Variants in TMEM132D observed in about 807,000 individuals in gnomAD.
TMEM132D encodes the protein mature OL transmembrane protein.
A neutral mutation model predicts 62.3 loss-of-function variants in TMEM132D; 21 were observed. The observed-to-expected ratio is 0.34, with a 90% CI of 0.24 to 0.49. TMEM132D has a LOEUF of 0.49. Ranked by LOEUF, TMEM132D falls within the 20% of genes least tolerant of loss-of-function variation. The pLI, the probability that TMEM132D is intolerant of heterozygous loss-of-function variation, is 0.99. For missense variants in TMEM132D, 1,346 were observed against 1,402.8 expected (o/e 0.96, Z 0.65); for synonymous variants, 621 against 575.6 (o/e 1.08, Z -1.13).
intron 1 of TMEM132D, among the ~76,000 whole-genome samples, chr12:129,805,301 G>T (rs1421987566): frequency 6.6e-6 from 1 of 151,982 alleles, no homozygotes; most frequent in Non-Finnish European, 1.5e-5. Context: ...ATACTACAAG[G>T]CTACAGTAAC....
At chr12:129,892,873 CTGTT>C (rs760103290) in intron 1 of TMEM132D, among the ~76,000 whole-genome samples, 109 of 151,980 alleles carry the variant, frequency 7.2e-4, no homozygotes, top group East Asian at 7.0e-3. Flanking sequence ...TTTAAGGACT[CTGTT>C]TGTTTGTTTG....
intron 5 of TMEM132D, among the ~76,000 whole-genome samples, chr12:129,201,635 C>T (rs904166907): frequency 6.6e-6 from 1 of 152,168 alleles, no homozygotes; most frequent in Non-Finnish European, 1.5e-5. Flanking sequence ...TCCTAGAAGA[C>T]AAATACTCTT....
intron 4 of TMEM132D, among the ~76,000 whole-genome samples, chr12:129,230,274 A>G (rs1210267344): frequency 2.1e-5 from 3 of 144,992 alleles, no homozygotes; most frequent in African/African-American, 7.9e-5. Flanking sequence ...TCCCCAGCCT[A>G]GCCATCCCCT....
chr12:129,732,089 T>G (rs1869267527), intron 1 of TMEM132D, among the ~76,000 whole-genome samples: 1 of 152,152 alleles, frequency 6.6e-6, no homozygotes, highest in South Asian at 2.1e-4. Flanking sequence ...GTAGAAATGA[T>G]GCTGACCAAC....
chr12:129,860,752 C>G (rs963815348), intron 1 of TMEM132D, among the ~76,000 whole-genome samples: 1 of 152,098 alleles, frequency 6.6e-6, no homozygotes, highest in Non-Finnish European at 1.5e-5. Flanking sequence ...CCTCAGGAAA[C>G]TTACAATCAT....
chr12:129,152,023 G>A lies in TMEM132D; in HGVS notation c.1443+57497C>T, dbSNP rs551706781. ...CTCCCAAGTAGCTGGGACTACAGGC[G>A]CCCGCCATCATGCCCAGCTAATTTT... On this transcript the variant is annotated intron_variant, in intron 5 of 8. Transcript: ENST00000422113. 6.6e-5 allele frequency among the ~76,000 whole-genome samples: 10 copies of A among 151,948 alleles called. No individual in the cohort carries two copies. The South Asian group carries it at 8.3e-4, about 13-fold the overall frequency.
intron 2 of TMEM132D, among the ~76,000 whole-genome samples, chr12:129,532,424 A>G (rs1876256011): frequency 6.6e-6 from 1 of 152,218 alleles, no homozygotes; most frequent in Non-Finnish European, 1.5e-5. Flanking sequence ...AATATTAGGG[A>G]CAAAAGGCGA....
intron 3 of TMEM132D, among the ~76,000 whole-genome samples, chr12:129,523,123 CACACAG>C (rs1024601044): frequency 7.2e-5 from 11 of 152,142 alleles, no homozygotes; most frequent in African/African-American, 2.4e-4. Flanking sequence ...CACACACACA[CACACAG>C]ACACACACAC....
chr12:129,676,155 C>T (rs746427754), intron 2 of TMEM132D, among the ~76,000 whole-genome samples: 7 of 152,202 alleles, frequency 4.6e-5, no homozygotes, highest in Admixed American at 2.6e-4. Flanking sequence ...GGAGGCAAAC[C>T]GCTGAATTTC....
At chr12:129,114,271 A>G (rs1426039523) in intron 5 of TMEM132D, among the ~76,000 whole-genome samples, 1 of 152,102 alleles carries the variant, frequency 6.6e-6, no homozygotes, top group African/African-American at 2.4e-5. Flanking sequence ...GGATGTTATT[A>G]GCATCTGGTT....
intron 5 of TMEM132D, among the ~76,000 whole-genome samples, chr12:129,090,405 C>A (rs1031275272): frequency 6.6e-6 from 1 of 152,186 alleles, no homozygotes; most frequent in Non-Finnish European, 1.5e-5. Context: ...CAGGCTCACA[C>A]CTTTAATCCC....
rs188795840 is a variant in TMEM132D at position 129,242,776 on chromosome 12, G to A, written c.1300-33113C>T. On this transcript the variant is annotated intron_variant, in intron 4 of 8. Coordinates refer to ENST00000422113, the MANE Select transcript of TMEM132D (RefSeq NM_133448.3). ...TTACGCACTATTTTTTCTTATTTTCGGTAATTATCCCTGAGATTTTATTTC... is the reference window on the plus strand; with the variant it reads ...TTACGCACTATTTTTTCTTATTTTCAGTAATTATCCCTGAGATTTTATTTC... 2.5e-4 allele frequency among the ~76,000 whole-genome samples: 24 copies of A among 94,476 alleles called. No individual in the cohort carries two copies. In the East Asian group the frequency reaches 4.3e-3, roughly 17 times the overall value. 62.0% of individuals were successfully genotyped at this position (94,476 alleles called of 152,430 possible). A position where few individuals can be genotyped will look rare whatever the true frequency, so the allele number is the denominator to read the frequency against.
At chr12:129,776,805 AAAG>A (rs1870943639) in intron 1 of TMEM132D, among the ~76,000 whole-genome samples, 1 of 151,236 alleles carries the variant, frequency 6.6e-6, no homozygotes, top group African/African-American at 2.4e-5. Context: ...AAAAAAAAAA[AAAG>A]AAAAGGAAAA....
chr12:129,807,861 T>C (rs1872044237), intron 1 of TMEM132D, among the ~76,000 whole-genome samples: 2 of 152,216 alleles, frequency 1.3e-5, no homozygotes, highest in Admixed American at 1.3e-4. Context: ...TTGTGCTATC[T>C]GAGATGGCGC....
intron 2 of TMEM132D, among the ~76,000 whole-genome samples, chr12:129,548,368 C>T (rs764498284): frequency 3.5e-4 from 53 of 152,142 alleles, no homozygotes; most frequent in Non-Finnish European, 6.8e-4. Flanking sequence ...CCATCCTGTT[C>T]GCCTCCTCCC....
intron 5 of TMEM132D, among the ~76,000 whole-genome samples, chr12:129,095,676 T>A (rs1200630704): frequency 1.3e-5 from 2 of 151,838 alleles, no homozygotes; most frequent in Non-Finnish European, 2.9e-5. Flanking sequence ...GAAGAAGAGA[T>A]CGGGGCATCA....
chr12:129,085,193 C>T lies in TMEM132D; in HGVS notation c.1444-491G>A, dbSNP rs117306679. 3.0e-5 allele frequency: 5 copies of T among 168,342 alleles called. No individual in the cohort carries two copies. The East Asian group carries it at 8.6e-4, about 29-fold the overall frequency. 10.4% of individuals were successfully genotyped at this position (168,342 alleles called of 1,614,324 possible). A position where few individuals can be genotyped will look rare whatever the true frequency, so the allele number is the denominator to read the frequency against. ...GCTCCTCAAGGAGCTGGCTGTGCTG[C>T]ACCTGGACCTGACCTTGCTTAGCCC... On this transcript the variant is annotated intron_variant, in intron 5 of 8. Coordinates refer to ENST00000422113, the MANE Select transcript of TMEM132D (RefSeq NM_133448.3).
chr12:129,148,066 C>T (rs1033613159), intron 5 of TMEM132D, among the ~76,000 whole-genome samples: 8 of 152,186 alleles, frequency 5.3e-5, no homozygotes, highest in Non-Finnish European at 1.2e-4. Flanking sequence ...CATCTCCAGG[C>T]TACCATAATA....
chr12:129,563,009 A>G (rs780185927), intron 2 of TMEM132D, among the ~76,000 whole-genome samples: 6 of 152,184 alleles, frequency 3.9e-5, no homozygotes, highest in Non-Finnish European at 8.8e-5. Flanking sequence ...TATCACAGGA[A>G]ACAGCAAGCG....
Sources: gnomAD v4.1 joint callset for allele counts (sites outside exome capture counted in the v4.1 genomes callset) on GRCh38, gnomAD v4.1.1 for gene constraint, MANE v1.5 for transcripts, NCBI Gene and HGNC (gene_info 2026-07-23, HGNC 2026-07-21) for gene names.